Variants in TNRC6B observed in about 807,000 individuals in gnomAD.
TNRC6B encodes trinucleotide repeat-containing gene 6B protein.
In TNRC6B, 52 loss-of-function variants were observed where a neutral mutation model predicts 203.6. The ratio of observed to expected loss-of-function variants is 0.26; its 90% CI spans 0.20 to 0.32. The LOEUF is 0.32. Ranked by LOEUF, TNRC6B falls within the 10% of genes least tolerant of loss-of-function variation. The pLI is 1.00. For missense variants in TNRC6B, 1,923 were observed against 2,286.2 expected (o/e 0.84, Z 3.24); for synonymous variants, 838 against 845.7 (o/e 0.99, Z 0.16).
At chr22:40,097,462 C>T in intron 1 of TNRC6B, among the ~76,000 whole-genome samples, 1 of 152,046 alleles carries the variant, frequency 6.6e-6, no homozygotes, top group East Asian at 1.9e-4. Flanking sequence ...GGTGCCACCA[C>T]ACGCGGCCAA....
chr22:40,171,844 C>G (rs768367395), intron 4 of TNRC6B, among the ~76,000 whole-genome samples: 1 of 151,940 alleles, frequency 6.6e-6, no homozygotes, highest in Non-Finnish European at 1.5e-5. Flanking sequence ...TTATTGACCA[C>G]TCAAACATTT....
chr22:40,315,503 C>T lies in TNRC6B; in HGVS notation c.4899C>T (p.Ala1633=), dbSNP rs373828341. 5 of 1,613,808 alleles carry T rather than the reference C, an allele frequency of 3.1e-6. No individual in the cohort carries two copies. The highest frequency in any genetic ancestry group is 4.2e-6 in the Non-Finnish European group (5 of 1,179,854). ...RGWGTQDSRL[A]SASTWSDGGS... ...GGGGGACACAGGACTCACGGCTCGC[C>T]TCGGGTGAGGAGGATCTGCCTAAAG... Residue 1633 remains alanine (A), a synonymous_variant, in exon 20 of 23, where the codon GCC becomes GCT. Transcript: ENST00000454349.
chr22:40,050,972 G>A (rs1205388152), intron 1 of TNRC6B, among the ~76,000 whole-genome samples: 3 of 151,754 alleles, frequency 2.0e-5, no homozygotes, highest in Non-Finnish European at 4.4e-5. Flanking sequence ...CTACAGGTGC[G>A]CACCACCACA....
intron 1 of TNRC6B, among the ~76,000 whole-genome samples, chr22:40,062,006 G>A (rs1310656379): frequency 1.3e-5 from 2 of 152,012 alleles, no homozygotes; most frequent in African/African-American, 4.8e-5. Flanking sequence ...TCTGGGAGGC[G>A]GAGGTTGCAG....
chr22:40,240,526 T>G (rs921805296), intron 1 of TNRC6B, among the ~76,000 whole-genome samples: 95 of 152,192 alleles, frequency 6.2e-4, no homozygotes, highest in African/African-American at 2.1e-3. Context: ...GTATTCCATA[T>G]GTACCTGGAA....
intron 1 of TNRC6B, among the ~76,000 whole-genome samples, chr22:40,056,477 G>A (rs956825248): frequency 6.6e-6 from 1 of 152,156 alleles, no homozygotes; most frequent in African/African-American, 2.4e-5. Flanking sequence ...GGACGAGGTT[G>A]AGAAGGCAAC....
At chr22:40,217,194 A>G (rs1266573248) in intron 1 of TNRC6B, among the ~76,000 whole-genome samples, 1 of 152,182 alleles carries the variant, frequency 6.6e-6, no homozygotes, top group Non-Finnish European at 1.5e-5. Context: ...CATTAGCATC[A>G]ACCTTTTTTG....
At chr22:40,120,911 A>G (rs1023064882) in intron 2 of TNRC6B, among the ~76,000 whole-genome samples, 3 of 152,166 alleles carry the variant, frequency 2.0e-5, no homozygotes, top group African/African-American at 7.2e-5. Flanking sequence ...CTCCTAGCCA[A>G]CGAAAGGAGC....
intron 21 of TNRC6B, among the ~76,000 whole-genome samples, chr22:40,318,859 T>C (rs1256738194): frequency 6.6e-6 from 1 of 151,950 alleles, no homozygotes; most frequent in East Asian, 1.9e-4. Flanking sequence ...TCACCTGAGG[T>C]CAGGAGTTCC....
At chr22:40,304,359 C>G (rs939409604) in intron 15 of TNRC6B, among the ~76,000 whole-genome samples, 3 of 151,904 alleles carry the variant, frequency 2.0e-5, no homozygotes, top group Non-Finnish European at 4.4e-5. Context: ...GTGGCTCATG[C>G]CTGGTAATCC....
At chr22:40,215,376 C>T (rs1182238618) in intron 1 of TNRC6B, among the ~76,000 whole-genome samples, 1 of 152,206 alleles carries the variant, frequency 6.6e-6, no homozygotes, top group African/African-American at 2.4e-5. Context: ...ATCCTGCCAG[C>T]CACATTTCTC....
chr22:40,073,188 A>T (rs931546900), intron 1 of TNRC6B, among the ~76,000 whole-genome samples: 20 of 136,454 alleles, frequency 1.5e-4, no homozygotes, highest in Admixed American at 1.4e-3. Context: ...TTAGAGCCAT[A>T]TATGTGGGAC....
chr22:40,104,442 T>G (rs549015027), intron 1 of TNRC6B, among the ~76,000 whole-genome samples: 1 of 152,296 alleles, frequency 6.6e-6, no homozygotes, highest in African/African-American at 2.4e-5. Context: ...ACACACAGGA[T>G]AGAGCAGCAC....
intron 1 of TNRC6B, among the ~76,000 whole-genome samples, chr22:40,197,489 A>G (rs905412287): frequency 2.0e-5 from 3 of 151,618 alleles, no homozygotes; most frequent in Non-Finnish European, 4.4e-5. Flanking sequence ...GGGTTTCACT[A>G]TGTTGGCCAG....
chr22:40,299,715 G>T (rs1199371441), intron 12 of TNRC6B, among the ~76,000 whole-genome samples: 3 of 152,186 alleles, frequency 2.0e-5, no homozygotes, highest in Admixed American at 6.5e-5. Flanking sequence ...ACACTACTTG[G>T]CACTCACGGA....
At chr22:40,259,408 G>A (rs2070339801) in intron 3 of TNRC6B, among the ~76,000 whole-genome samples, 1 of 152,108 alleles carries the variant, frequency 6.6e-6, no homozygotes, top group Non-Finnish European at 1.5e-5. Context: ...ATTTTTAGTA[G>A]AGACTAGGTT....
intron 1 of TNRC6B, among the ~76,000 whole-genome samples, chr22:40,194,821 G>A (rs1299125747): frequency 6.6e-6 from 1 of 152,202 alleles, no homozygotes; most frequent in African/African-American, 2.4e-5. Context: ...AGGGGAGGGG[G>A]AGACTTTTAG....
chr22:40,308,182 T>A (rs2071117757), intron 15 of TNRC6B, among the ~76,000 whole-genome samples: 1 of 152,204 alleles, frequency 6.6e-6, no homozygotes, highest in African/African-American at 2.4e-5. Context: ...ATTGGCTGGA[T>A]GTCGTCTTCT....
chr22:40,138,180 G>A (rs963473732), intron 3 of TNRC6B, among the ~76,000 whole-genome samples: 1 of 152,178 alleles, frequency 6.6e-6, no homozygotes, highest in Non-Finnish European at 1.5e-5. Context: ...AAGGATGGGA[G>A]GAGAGCACAA....
Sources: allele counts gnomAD v4.1 joint callset (sites outside exome capture counted in the v4.1 genomes callset), GRCh38; gene constraint gnomAD v4.1.1; transcripts MANE v1.5; gene names NCBI Gene and HGNC (gene_info 2026-07-23, HGNC 2026-07-21).